TNS1: variants seen among roughly 807,000 people sequenced by gnomAD.
TNS1 encodes the protein tensin 1.
A neutral mutation model predicts 168.6 loss-of-function variants in TNS1; 62 were observed. The observed-to-expected ratio is 0.37, with a 90% CI of 0.30 to 0.45. The LOEUF (loss-of-function observed/expected upper bound fraction) is 0.45. TNS1 is among the 20% of genes least tolerant of loss of function. The pLI, the probability that TNS1 is intolerant of heterozygous loss-of-function variation, is 1.00. For missense variants in TNS1, 2,240 were observed against 2,339.4 expected (o/e 0.96, Z 0.88); for synonymous variants, 934 against 933.2 (o/e 1.00, Z -0.02).
rs775199299 is a variant in TNS1, at chr2:217,804,498, G to A, written c.5481C>T (p.Phe1827=). The A allele has an allele frequency of 1.5e-5, 25 of 1,614,010 alleles. No individual in the cohort carries two copies. Among genetic ancestry groups the A allele is most frequent in the African/African-American group, 9.3e-5 (7 of 74,916 alleles). The change falls in exon 33 of 33, where the codon TTC becomes TTT. Residue 1827 remains phenylalanine (F), a synonymous_variant. Coordinates refer to ENST00000682258, the MANE Select transcript of TNS1 (RefSeq NM_001387777.1). ...PNQPASAIVN[F]VSKVMLNAGQ... ...CGGCATTCAGCATGACCTTGGAGAC[G>A]AAGTTGACGATGGCAGAGGCCGGCT...
In TNS1 at chr2:217,813,020, A is replaced by C. The variant is rs549814362; in HGVS notation, c.4954+195T>G. 5.9e-5 allele frequency among the ~76,000 whole-genome samples: 9 copies of C among 152,376 alleles called. No homozygotes were observed. The highest frequency in any genetic ancestry group is 4.6e-4 in the Admixed American group (7 of 15,310). On this transcript the variant is annotated intron_variant, in intron 27 of 32. Transcript: ENST00000682258. The surrounding 1 kb of genome is among the most constrained non-coding windows in gnomAD (Gnocchi z 4.0). ...AGTCCCAGCTGGGTCGGACAAACAC[A>C]GACTGCAGTTTGGCAGAGTTAGGAG...
chr2:217,913,332 C>A (rs549876618), intron 4 of TNS1, among the ~76,000 whole-genome samples: 5 of 152,316 alleles, frequency 3.3e-5, no homozygotes, highest in African/African-American at 1.2e-4. Context: ...TCCTAATTCA[C>A]CCCAAGGGGC....
intron 3 of TNS1, among the ~76,000 whole-genome samples, chr2:217,945,398 T>G (rs1957078017): frequency 6.6e-6 from 1 of 152,130 alleles, no homozygotes. Flanking sequence ...GGCCAGTACT[T>G]TGGAGGGCTG....
chr2:217,957,848 A>G (rs1957403082), intron 3 of TNS1, among the ~76,000 whole-genome samples: 1 of 151,370 alleles, frequency 6.6e-6, no homozygotes, highest in Non-Finnish European at 1.5e-5. Context: ...CGCAAAAAAA[A>G]AAAAAAAAAA....
chr2:217,910,339 C>G (rs1475601955), intron 4 of TNS1, among the ~76,000 whole-genome samples: 2 of 152,100 alleles, frequency 1.3e-5, no homozygotes, highest in Non-Finnish European at 2.9e-5. Flanking sequence ...AGTCCCCACC[C>G]CCTGCACCAT....
chr2:217,933,878 T>C (rs1956458936), intron 3 of TNS1, among the ~76,000 whole-genome samples: 2 of 152,156 alleles, frequency 1.3e-5, no homozygotes, highest in South Asian at 4.1e-4. Context: ...ATACGCAGCC[T>C]GAACATTATG....
chr2:217,870,401 A>G (rs927675989), intron 18 of TNS1, among the ~76,000 whole-genome samples: 1 of 152,276 alleles, frequency 6.6e-6, no homozygotes, highest in African/African-American at 2.4e-5. Context: ...GAGGAAGGTA[A>G]TGATGGGTGC....
intron 18 of TNS1, among the ~76,000 whole-genome samples, chr2:217,855,092 C>G (rs1404073373): frequency 6.6e-6 from 1 of 152,130 alleles, no homozygotes; most frequent in Non-Finnish European, 1.5e-5. Context: ...TCTCTCCATC[C>G]CCTGCTTTAC....
intron 1 of TNS1, among the ~76,000 whole-genome samples, chr2:217,998,219 G>GTCTCTCTCTCTC (rs1173660793): frequency 1.5e-4 from 15 of 97,088 alleles, no homozygotes; most frequent in African/African-American, 6.5e-4. Flanking sequence ...CTCTCCATCA[G>GTCTCTCTCTCTC]TGTCTCTCTC....
intron 1 of TNS1, among the ~76,000 whole-genome samples, chr2:217,997,289 TAC>T (rs1471554558): frequency 1.3e-5 from 2 of 152,150 alleles, no homozygotes; most frequent in African/African-American, 4.8e-5. Context: ...CACTGTCTAA[TAC>T]AGTCATTCTA....
At chr2:217,821,701 G>A (rs756155766) in intron 23 of TNS1, 39 bp downstream of exon 23, 5 of 1,404,020 alleles carry the variant, frequency 3.6e-6, no homozygotes, top group African/African-American at 3.0e-5. Flanking sequence ...TCCCAGGCCC[G>A]GATTCCCATC....
At chr2:217,847,078 A>T (rs1946750590) in intron 19 of TNS1, among the ~76,000 whole-genome samples, 1 of 152,196 alleles carries the variant, frequency 6.6e-6, no homozygotes, top group Admixed American at 6.5e-5. Context: ...ACGACAGGCA[A>T]TTGCAGAGTC....
rs767857728 is a variant in TNS1 at position 217,880,972 on chromosome 2, T to C, written c.1355A>G (p.Tyr452Cys). Residue 452 changes from tyrosine (Y) to cysteine (C), a missense_variant, in exon 18 of 33, where the codon TAT becomes TGT. Tyr to Cys is a radical substitution (Grantham distance 194). Transcript: ENST00000682258. The surrounding 1 kb of genome is among the most constrained non-coding windows in gnomAD (Gnocchi z 4.2). ...GCGGATGAGGGGGTCGGAGGTGTTA[T>C]AGTCCACAGACACGCTCGGCCCGTT... is the stretch of plus-strand genomic sequence containing the variant. ...LENGPSVSVDYNTSDPLIRWD... is the reference protein window; with the variant it reads ...LENGPSVSVDCNTSDPLIRWD... 26 of 1,613,994 alleles carry C rather than the reference T, an allele frequency of 1.6e-5. No homozygotes were observed. The highest frequency in any genetic ancestry group is 4.0e-5 in the African/African-American group (3 of 74,900).
chr2:217,980,725 T>A (rs570878759), intron 2 of TNS1, among the ~76,000 whole-genome samples: 1 of 152,038 alleles, frequency 6.6e-6, no homozygotes, highest in South Asian at 2.1e-4. Context: ...TCTCTAAGCA[T>A]CCACCCCAGT....
chr2:217,852,544 G>C (rs1947646354), intron 18 of TNS1, among the ~76,000 whole-genome samples: 1 of 152,216 alleles, frequency 6.6e-6, no homozygotes, highest in Admixed American at 6.5e-5. Flanking sequence ...ATTCAAATCA[G>C]AAAGCACATA....
At chr2:217,858,685 C>CAT (rs1948459570) in intron 18 of TNS1, 1 of 204,188 alleles carries the variant, frequency 4.9e-6, no homozygotes, top group African/African-American at 2.4e-5. Flanking sequence ...CACACACACA[C>CAT]ACACACACAC....
In TNS1 at chr2:217,818,003, C is replaced by T; in HGVS notation, c.4329G>A (p.Gln1443=). 6.3e-7 allele frequency: 1 copy of T among 1,597,364 alleles called. No homozygotes were observed. Among genetic ancestry groups the T allele is most frequent in the Non-Finnish European group, 8.5e-7 (1 of 1,171,856 alleles). The stretch of plus-strand genomic sequence containing the variant: ...GAGCCTGGTAGCCAGAGGCACTGCT[C>T]TGCCGGGACAGTGTGGGTCTCCGAT... ...PEDRRPTLSR[Q]SSASGYQAPS... Residue 1443 remains glutamine, a synonymous_variant, in exon 24 of 33, where the codon CAG becomes CAA. Transcript: ENST00000682258.
intron 2 of TNS1, chr2:217,985,421 T>C (rs1958171323): frequency 6.6e-6 from 1 of 152,078 alleles, no homozygotes; most frequent in Admixed American, 6.6e-5. Flanking sequence ...TTATTTATTT[T>C]ATTTTATTTT....
intron 3 of TNS1, among the ~76,000 whole-genome samples, chr2:217,973,413 T>C (rs918427592): frequency 6.8e-6 from 1 of 147,980 alleles, no homozygotes; most frequent in East Asian, 1.9e-4. Context: ...TCCTGGGCCA[T>C]TCATTTTAAA....
Sources: allele counts gnomAD v4.1 joint callset (sites outside exome capture counted in the v4.1 genomes callset), GRCh38; gene constraint gnomAD v4.1.1; non-coding constraint Gnocchi (gnomAD v3.1); transcripts MANE v1.5; gene names NCBI Gene and HGNC (gene_info 2026-07-23, HGNC 2026-07-21).